The following PSMD9 variants were observed in gnomAD, a reference collection of about 807,000 sequenced individuals.
PSMD9 encodes 26S proteasome non-ATPase regulatory subunit 9.
PSMD9 carries 26 observed loss-of-function variants against 25.9 expected under a neutral mutation model. That is an observed-to-expected ratio of 1.00 (90% CI 0.73 to 1.39). The LOEUF (loss-of-function observed/expected upper bound fraction) is 1.39, where lower values mean the gene tolerates loss of function less well. Ranked by LOEUF, PSMD9 falls within the 40% of genes most tolerant of loss-of-function variation. The pLI, the probability that PSMD9 is intolerant of heterozygous loss-of-function variation, is 0.00. For missense variants in PSMD9, 303 were observed against 299.3 expected, an observed-to-expected ratio of 1.01 and a Z score of -0.09; for synonymous variants, 110 against 114.5, an observed-to-expected ratio of 0.96 and a Z score of 0.25.
rs764264680 is a variant in PSMD9, at chr12:121,916,271, T to G, written c.645-13T>G. 2 of 1,614,052 alleles carry G rather than the reference T, an allele frequency of 1.2e-6. No homozygotes were observed. The highest frequency in any genetic ancestry group is 2.7e-5 in the African/African-American group (2 of 74,940). On this transcript the variant is annotated splice_polypyrimidine_tract_variant and intron_variant, in intron 5 of 5. Coordinates refer to ENST00000541212, the MANE Select transcript of PSMD9 (RefSeq NM_002813.7). ...CTCCAAACTTACGCCATTCCTTTTC[T>G]TCTTTCTTCCAGCTGCAACATTATT...
In PSMD9 at chr12:121,903,122, C is replaced by T; in HGVS notation, c.555+15C>T. 6.2e-7 allele frequency: 1 copy of T among 1,604,646 alleles called. No individual in the cohort carries two copies. The highest frequency in any genetic ancestry group is 8.5e-7 in the Non-Finnish European group (1 of 1,171,830). ...ACAGTGAGGGGGTGAGTGGGGCTAC[C>T]TGGTGTCTCGGTCTGTTTGGGTTTT... is the stretch of plus-strand genomic sequence containing the variant. On this transcript the variant is annotated intron_variant, in intron 4 of 5. Coordinates refer to ENST00000541212, the MANE Select transcript of PSMD9 (RefSeq NM_002813.7).
At chr12:121,911,062 T>C (rs1316214961) in intron 4 of PSMD9, 13 of 452,968 alleles carry the variant, frequency 2.9e-5, no homozygotes, top group Non-Finnish European at 5.8e-5. Flanking sequence ...GTTTTTGAGA[T>C]GGTGTCTCGC....
chr12:121,912,539 G>A (rs1422963124), intron 4 of PSMD9, among the ~76,000 whole-genome samples: 1 of 152,028 alleles, frequency 6.6e-6, no homozygotes, highest in Non-Finnish European at 1.5e-5. Flanking sequence ...CTTTTCCTGT[G>A]CTTTTTGATC....
intron 1 of PSMD9, among the ~76,000 whole-genome samples, chr12:121,893,196 T>C (rs1879136334): frequency 6.6e-6 from 1 of 152,224 alleles, no homozygotes; most frequent in African/African-American, 2.4e-5. Flanking sequence ...CCTTAACCAC[T>C]GTGGGAAGGC....
At chr12:121,904,349 T>C (rs534911174) in intron 4 of PSMD9, among the ~76,000 whole-genome samples, 3 of 147,440 alleles carry the variant, frequency 2.0e-5, no homozygotes, top group Admixed American at 6.8e-5. Flanking sequence ...GCGAGGTGGG[T>C]GGATCACGAA....
intron 2 of PSMD9, among the ~76,000 whole-genome samples, chr12:121,895,137 C>G (rs186883947): frequency 1.3e-4 from 20 of 152,146 alleles, no homozygotes; most frequent in Admixed American, 1.1e-3. Context: ...CTCAACCCCC[C>G]AGGCTCCAAG....
chr12:121,913,707 C>T (rs980067724), intron 4 of PSMD9, among the ~76,000 whole-genome samples: 2 of 151,524 alleles, frequency 1.3e-5, no homozygotes, highest in African/African-American at 2.4e-5. Flanking sequence ...TCTTTGTTGC[C>T]GGGCTGGTCT....
intron 4 of PSMD9, among the ~76,000 whole-genome samples, chr12:121,907,385 T>TG (rs2033868256): frequency 6.6e-6 from 1 of 151,962 alleles, no homozygotes; most frequent in East Asian, 1.9e-4. Flanking sequence ...TTGTTTTTTT[T>TG]TTTGTTTGTT....
In PSMD9 at chr12:121,903,145, T is replaced by G. The variant is rs1197721505; in HGVS notation, c.555+38T>G. ...ACCTGGTGTCTCGGTCTGTTTGGGT[T>G]TTTCTAACAGTATGCCATAGACTGC... is the stretch of plus-strand genomic sequence containing the variant. On this transcript the variant is annotated intron_variant, in intron 4 of 5. Transcript: ENST00000541212. 3 of 1,540,344 alleles carry G rather than the reference T, an allele frequency of 1.9e-6. No homozygotes were observed. The East Asian group carries it at 6.7e-5, about 35-fold the overall frequency.
intron 2 of PSMD9, among the ~76,000 whole-genome samples, chr12:121,895,961 C>T (rs1346506094): frequency 6.6e-6 from 1 of 152,178 alleles, no homozygotes; most frequent in Non-Finnish European, 1.5e-5. Context: ...TTACTAACTC[C>T]TCTTTAATCT....
chr12:121,916,459 C>A lies in PSMD9; in HGVS notation c.*148C>A. On this transcript the variant is annotated 3_prime_UTR_variant, in exon 6 of 6. Transcript: ENST00000541212. ...TCTGTGTGGTGGCAGTACTGTGGCC[C>A]ACCAGTGTAATCTCCCTGGATTAAG... The A allele has an allele frequency of 1.0e-6, 1 of 987,304 alleles. No individual in the cohort carries two copies. The highest frequency in any genetic ancestry group is 1.6e-6 in the Non-Finnish European group (1 of 634,248). The allele number at this position is 987,304 out of a possible 1,614,324, so 61.2% of individuals were successfully genotyped here. A position where few individuals can be genotyped will look rare whatever the true frequency, so the allele number is the denominator to read the frequency against.
chr12:121,916,406 G>A lies in PSMD9; in HGVS notation c.*95G>A, dbSNP rs575543796. 1.2e-4 allele frequency: 179 copies of A among 1,472,984 alleles called. No individual in the cohort carries two copies. The highest frequency in any genetic ancestry group is 9.7e-4 in the South Asian group (86 of 88,230). 91.2% of individuals were successfully genotyped at this position (1,472,984 alleles called of 1,614,324 possible). A position where few individuals can be genotyped will look rare whatever the true frequency, so the allele number is the denominator to read the frequency against. ...TTGTCTTCTCTCCCTGAAGCATAAGGATCTGGAAGAGGCTTGTAACCTGAA... is the reference window on the plus strand; with the variant it reads ...TTGTCTTCTCTCCCTGAAGCATAAGAATCTGGAAGAGGCTTGTAACCTGAA... On this transcript the variant is annotated 3_prime_UTR_variant, in exon 6 of 6. Transcript: ENST00000541212.
chr12:121,911,634 A>AT (rs965593970), intron 4 of PSMD9, among the ~76,000 whole-genome samples: 1 of 148,506 alleles, frequency 6.7e-6, no homozygotes. Context: ...AGTTTCTAAA[A>AT]TTTTTTTTAA....
At chr12:121,891,738 T>G (rs892358239) in intron 1 of PSMD9, among the ~76,000 whole-genome samples, 3 of 151,546 alleles carry the variant, frequency 2.0e-5, no homozygotes, top group Non-Finnish European at 4.4e-5. Context: ...AAACCCCGTC[T>G]CAACGAAAAA....
At chr12:121,906,692 T>C (rs1161820850) in intron 4 of PSMD9, among the ~76,000 whole-genome samples, 1 of 151,472 alleles carries the variant, frequency 6.6e-6, no homozygotes, top group Non-Finnish European at 1.5e-5. Context: ...TGTGTGCCTG[T>C]AGTCCCAGCT....
At chr12:121,896,187 C>T (rs1398118365) in intron 2 of PSMD9, among the ~76,000 whole-genome samples, 2 of 152,034 alleles carry the variant, frequency 1.3e-5, no homozygotes, top group South Asian at 4.1e-4. Flanking sequence ...AATCTGTTCT[C>T]GGCCGGGTGC....
At chr12:121,916,123 C>A in intron 5 of PSMD9, 161 bp from the exon 6 acceptor site, 1 of 1,159,570 alleles carries the variant, frequency 8.6e-7, no homozygotes, top group Non-Finnish European at 1.3e-6. Flanking sequence ...GCAGAGGGAG[C>A]CCCAGAGTCT....
intron 4 of PSMD9, among the ~76,000 whole-genome samples, chr12:121,908,619 G>T (rs377560627): frequency 3.9e-5 from 6 of 152,282 alleles, no homozygotes; most frequent in African/African-American, 1.4e-4. Flanking sequence ...GCACTTTGGT[G>T]GGGGAGCCAG....
At chr12:121,897,165 C>G (rs976692137) in intron 2 of PSMD9, 1 of 152,138 alleles carries the variant, frequency 6.6e-6, no homozygotes, top group East Asian at 1.9e-4. Flanking sequence ...GAGGCTGAGG[C>G]CTCCCAAATA....
Sources: gnomAD v4.1 joint callset for allele counts (sites outside exome capture counted in the v4.1 genomes callset) on GRCh38, gnomAD v4.1.1 for gene constraint, MANE v1.5 for transcripts, NCBI Gene and HGNC (gene_info 2026-07-23, HGNC 2026-07-21) for gene names.